The following LYPD6B variants were observed in gnomAD, a reference collection of about 807,000 sequenced individuals.
LYPD6B encodes the protein ly6/PLAUR domain-containing protein 6B.
In LYPD6B, 17 loss-of-function variants were observed where a neutral mutation model predicts 22.8. The observed-to-expected ratio is 0.75, with a 90% CI of 0.51 to 1.12. The LOEUF (loss-of-function observed/expected upper bound fraction) is 1.12, where lower values mean the gene tolerates loss of function less well. Among genes scored for constraint, LYPD6B ranks in the 50% most tolerant of loss-of-function variants. The pLI is 0.00. For synonymous variants in LYPD6B, 106 were observed against 91.6 expected (o/e 1.16, Z -0.90); for missense variants, 221 against 258.3 (o/e 0.86, Z 0.99).
intron 1 of LYPD6B, among the ~76,000 whole-genome samples, chr2:149,092,683 G>A (rs866180000): frequency 8.5e-5 from 13 of 152,142 alleles, no homozygotes; most frequent in Admixed American, 2.6e-4. Context: ...CCTCCTTAAA[G>A]AGAGAAAAAA....
chr2:149,076,526 A>C (rs930828837), intron 1 of LYPD6B, among the ~76,000 whole-genome samples: 1 of 152,200 alleles, frequency 6.6e-6, no homozygotes, highest in African/African-American at 2.4e-5. Context: ...GAAAAACTGA[A>C]AGTGAGTTAT....
chr2:149,093,955 T>C (rs1020679395), intron 1 of LYPD6B, among the ~76,000 whole-genome samples: 2 of 152,220 alleles, frequency 1.3e-5, no homozygotes, highest in East Asian at 1.9e-4. Flanking sequence ...ATAATTATAA[T>C]GGAACAAGAG....
intron 1 of LYPD6B, among the ~76,000 whole-genome samples, chr2:149,052,101 G>A (rs1683587298): frequency 2.0e-5 from 3 of 152,080 alleles, no homozygotes; most frequent in South Asian, 4.2e-4. Context: ...TCTGTCACTA[G>A]GCTGGAGTAC....
intron 3 of LYPD6B, among the ~76,000 whole-genome samples, chr2:149,181,803 A>G (rs1030149372): frequency 1.3e-5 from 2 of 152,146 alleles, no homozygotes; most frequent in Non-Finnish European, 2.9e-5. Flanking sequence ...TGCCCCTGCC[A>G]CTATTTGCCT....
rs148164192 is a variant in LYPD6B, at chr2:149,181,203, G to A, written c.77+20368G>A. On this transcript the variant is annotated intron_variant, in intron 3 of 6. Transcript: ENST00000409642. The stretch of plus-strand genomic sequence containing the variant: ...ATCCATTCCAGTCTAATAATAGACT[G>A]GCTGAGTTCAGGAAGTCACATTAAA... 4.1e-3 allele frequency among the ~76,000 whole-genome samples: 628 copies of A among 152,216 alleles called. 4 individuals are homozygous for A. Among genetic ancestry groups the A allele is most frequent in the African/African-American group, 0.014 (601 of 41,532 alleles).
intron 1 of LYPD6B, among the ~76,000 whole-genome samples, chr2:149,126,822 G>A (rs1687725093): frequency 6.6e-6 from 1 of 152,018 alleles, no homozygotes; most frequent in African/African-American, 2.4e-5. Flanking sequence ...TCTCCTTCTA[G>A]GACGTCCATT....
chr2:149,051,065 A>C (rs6753976), intron 1 of LYPD6B, among the ~76,000 whole-genome samples: 1,943 of 151,932 alleles, frequency 0.013, 51 homozygotes, highest in African/African-American at 0.045. Flanking sequence ...ATATACATAT[A>C]TATTACAAAA....
chr2:149,158,615 A>T (rs1689855345), intron 2 of LYPD6B, among the ~76,000 whole-genome samples: 1 of 152,222 alleles, frequency 6.6e-6, no homozygotes. Flanking sequence ...GTTATACAAC[A>T]CTGTGAATGT....
chr2:149,079,977 G>C (rs550283559), intron 1 of LYPD6B, among the ~76,000 whole-genome samples: 2 of 152,272 alleles, frequency 1.3e-5, no homozygotes, highest in East Asian at 3.9e-4. Context: ...CTTCTTTCCC[G>C]ATTTCTGAGA....
chr2:149,198,022 T>C (rs1050174260), intron 3 of LYPD6B, among the ~76,000 whole-genome samples: 1 of 150,702 alleles, frequency 6.6e-6, no homozygotes, highest in Non-Finnish European at 1.5e-5. Context: ...TTCCTAAACA[T>C]CTAAGCTTTT....
At chr2:149,167,065 T>C (rs550318032) in intron 3 of LYPD6B, among the ~76,000 whole-genome samples, 1 of 152,214 alleles carries the variant, frequency 6.6e-6, no homozygotes, top group African/African-American at 2.4e-5. Context: ...TTTTTTTTTT[T>C]TCTCTTGTGG....
chr2:149,159,589 C>CGTGTGTGT lies in LYPD6B; in HGVS notation c.6-1146_6-1139dup, dbSNP rs60129822. Among the ~76,000 whole-genome samples, 230 of 145,906 alleles carry CGTGTGTGT rather than the reference C, an allele frequency of 1.6e-3. 1 individual carries two copies. Among genetic ancestry groups the CGTGTGTGT allele is most frequent in the African/African-American group, 4.4e-3 (172 of 39,416 alleles). ...CCCTGCCCGAGAGAGCATATGTGTG[C>CGTGTGTGT]GTGTGTGTGTGTGTGTGTGTGTGTG... On this transcript the variant is annotated intron_variant, in intron 2 of 6. Coordinates refer to ENST00000409642, the MANE Select transcript of LYPD6B (RefSeq NM_177964.5).
Sources: allele counts gnomAD v4.1 joint callset (sites outside exome capture counted in the v4.1 genomes callset), GRCh38; gene constraint gnomAD v4.1.1; transcripts MANE v1.5; gene names NCBI Gene and HGNC (gene_info 2026-07-23, HGNC 2026-07-21).